The following ACVR1 variants were observed in gnomAD, a reference collection of about 807,000 sequenced individuals.
ACVR1 encodes the protein activin A receptor type 1, also known as activin receptor type-1.
In ACVR1, 38 loss-of-function variants were observed where a neutral mutation model predicts 57.1. The observed-to-expected ratio is 0.67, with a 90% CI of 0.51 to 0.87. ACVR1 has a LOEUF of 0.87. ACVR1 is among the 40% of genes least tolerant of loss of function. The probability of loss-of-function intolerance (pLI) is 0.00; values close to 1 mark genes in which losing one functional copy is unlikely to be tolerated. For synonymous variants in ACVR1, 212 were observed against 228.1 expected (o/e 0.93, Z 0.63); for missense variants, 463 against 638.2 (o/e 0.73, Z 2.96).
intron 3 of ACVR1, among the ~76,000 whole-genome samples, chr2:157,788,809 AGGGTAAAAACTTG>A (rs144047691): frequency 0.014 from 2,111 of 152,104 alleles, 54 homozygotes; most frequent in African/African-American, 0.048. Flanking sequence ...AACAGTCAAA[AGGGTAAAAACTTG>A]GGGCAGAGTC....
intron 1 of ACVR1, among the ~76,000 whole-genome samples, chr2:157,855,340 ACACAC>A (rs1558848514): frequency 1.3e-4 from 18 of 133,722 alleles, no homozygotes; most frequent in South Asian, 2.3e-4. Context: ...ACACACACAC[ACACAC>A]AAAAATTAGC....
intron 1 of ACVR1, among the ~76,000 whole-genome samples, chr2:157,843,992 G>A (rs1689053040): frequency 6.6e-6 from 1 of 152,170 alleles, no homozygotes; most frequent in African/African-American, 2.4e-5. Context: ...GCCAAATAAA[G>A]AAAAGAGAAT....
At chr2:157,855,306 G>GTATA (rs1459134497) in intron 1 of ACVR1, among the ~76,000 whole-genome samples, 11 of 53,156 alleles carry the variant, frequency 2.1e-4, no homozygotes, top group South Asian at 7.9e-4. Context: ...GTGTGTGTGT[G>GTATA]TGTATATATA....
chr2:157,799,420 C>A lies in ACVR1; in HGVS notation c.67+7G>T. On this transcript the variant is annotated splice_region_variant and intron_variant, in intron 3 of 10. Transcript: ENST00000434821. ...TATCTTAACCCAAAAAGATGTGAGT[C>A]ACTTACCTTCCATACTAGGGGAGGG... The A allele has an allele frequency of 6.2e-7, 1 of 1,607,166 alleles. No individual in the cohort carries two copies. The highest frequency in any genetic ancestry group is 1.1e-5 in the South Asian group (1 of 90,904).
At chr2:157,746,305 T>C (rs1197654930) in intron 9 of ACVR1, among the ~76,000 whole-genome samples, 2 of 152,220 alleles carry the variant, frequency 1.3e-5, no homozygotes, top group South Asian at 2.1e-4. Flanking sequence ...TTAATCACCA[T>C]AACCCTTTAA....
intron 1 of ACVR1, among the ~76,000 whole-genome samples, chr2:157,855,252 T>TA (rs1191166089): frequency 7.3e-4 from 76 of 104,238 alleles, no homozygotes; most frequent in African/African-American, 1.6e-3. Flanking sequence ...CCTCGTCTCT[T>TA]AAAAAAAAAA....
At chr2:157,810,142 T>C (rs376327450) in intron 2 of ACVR1, among the ~76,000 whole-genome samples, 1 of 152,252 alleles carries the variant, frequency 6.6e-6, no homozygotes, top group East Asian at 1.9e-4. Flanking sequence ...AAGAGGAGAA[T>C]AGTATTCTCA....
At chr2:157,871,567 A>G (rs1690114567) in intron 1 of ACVR1, among the ~76,000 whole-genome samples, 1 of 152,236 alleles carries the variant, frequency 6.6e-6, no homozygotes, top group African/African-American at 2.4e-5. Context: ...CCAAATACCC[A>G]GAGTCAACAA....
At chr2:157,812,112 G>A (rs12987698) in intron 2 of ACVR1, among the ~76,000 whole-genome samples, 1 of 152,138 alleles carries the variant, frequency 6.6e-6, no homozygotes, top group African/African-American at 2.4e-5. Flanking sequence ...TTCCTGGTTC[G>A]GTCCACTAAA....
At chr2:157,754,539 C>G (rs2105241353) in intron 9 of ACVR1, among the ~76,000 whole-genome samples, 1 of 152,196 alleles carries the variant, frequency 6.6e-6, no homozygotes, top group Middle Eastern at 3.4e-3. Context: ...AATATACAAC[C>G]CTCCTAGCTT....
rs968070502 is a variant in ACVR1, at chr2:157,800,138, C to T, written c.-7-638G>A. Among the ~76,000 whole-genome samples, 6 of 152,312 alleles carry T rather than the reference C, an allele frequency of 3.9e-5. No individual in the cohort carries two copies. The East Asian group carries it at 9.6e-4, about 24-fold the overall frequency. The stretch of plus-strand genomic sequence containing the variant: ...AAAATCATGTAAAAATAAAAACAAA[C>T]TTTTCCATTTGAATAATGTGAAACA... On this transcript the variant is annotated intron_variant, in intron 2 of 10. Transcript: ENST00000434821.
intron 9 of ACVR1, among the ~76,000 whole-genome samples, chr2:157,750,128 T>C (rs1685127581): frequency 6.6e-6 from 1 of 152,220 alleles, no homozygotes; most frequent in Non-Finnish European, 1.5e-5. Context: ...CCTGGGGACC[T>C]GAGGACTGGC....
At chr2:157,743,050 T>A (rs1353928549) in intron 9 of ACVR1, among the ~76,000 whole-genome samples, 2 of 152,144 alleles carry the variant, frequency 1.3e-5, no homozygotes, top group Non-Finnish European at 2.9e-5. Context: ...TTCACATACC[T>A]GGACATCAGC....
rs553732125 is a variant in ACVR1, at chr2:157,816,729, C to T, written c.-8+1656G>A. On this transcript the variant is annotated intron_variant, in intron 2 of 10. Transcript: ENST00000434821. ...AAGCGTTAAATCTAAGGAGGCTGCACAGACCAACCCTGGCAGAATTTAATC... is the reference window on the plus strand; with the variant it reads ...AAGCGTTAAATCTAAGGAGGCTGCATAGACCAACCCTGGCAGAATTTAATC... Among the ~76,000 whole-genome samples, 11 of 152,302 alleles carry T rather than the reference C, an allele frequency of 7.2e-5. No individual in the cohort carries two copies. The East Asian group carries it at 1.7e-3, about 24-fold the overall frequency.
At chr2:157,749,618 G>A (rs1157777453) in intron 9 of ACVR1, among the ~76,000 whole-genome samples, 1 of 152,180 alleles carries the variant, frequency 6.6e-6, no homozygotes, top group East Asian at 1.9e-4. Flanking sequence ...AGGAGGGTGG[G>A]AAGAAAGGTA....
At chr2:157,777,885 GTAAC>G (rs1270303246) in intron 5 of ACVR1, among the ~76,000 whole-genome samples, 1 of 152,150 alleles carries the variant, frequency 6.6e-6, no homozygotes, top group Non-Finnish European at 1.5e-5. Context: ...TCAGAGAAAA[GTAAC>G]TAACTACCAA....
intron 2 of ACVR1, among the ~76,000 whole-genome samples, chr2:157,816,950 T>C (rs1379351309): frequency 6.6e-6 from 1 of 152,056 alleles, no homozygotes; most frequent in East Asian, 1.9e-4. Flanking sequence ...CATTTCATCC[T>C]GGATAGCGAG....
chr2:157,819,220 T>C (rs13032276), intron 1 of ACVR1, among the ~76,000 whole-genome samples: 3,207 of 152,152 alleles, frequency 0.021, 51 homozygotes, highest in African/African-American at 0.044. Flanking sequence ...ACAAAAATTT[T>C]GACCCTGCAT....
chr2:157,738,337 C>T, intron 10 of ACVR1, 103 bp downstream of exon 10: 3 of 1,539,894 alleles, frequency 1.9e-6, no homozygotes, highest in South Asian at 2.2e-5. Flanking sequence ...AACAACAGAT[C>T]CACGGGACAG....
Sources: gnomAD v4.1 joint callset for allele counts (sites outside exome capture counted in the v4.1 genomes callset) on GRCh38, gnomAD v4.1.1 for gene constraint, MANE v1.5 for transcripts, NCBI Gene and HGNC (gene_info 2026-07-23, HGNC 2026-07-21) for gene names.